The following TENM2 variants were observed in gnomAD, a reference collection of about 807,000 sequenced individuals.
TENM2 encodes the protein teneurin transmembrane protein 2.
A neutral mutation model predicts 245.2 loss-of-function variants in TENM2; 52 were observed. The observed-to-expected ratio is 0.21, with a 90% CI of 0.17 to 0.27. The LOEUF (loss-of-function observed/expected upper bound fraction) is 0.27, where lower values mean the gene tolerates loss of function less well. Ranked by LOEUF, TENM2 falls within the 10% of genes least tolerant of loss-of-function variation. The probability of loss-of-function intolerance (pLI) is 1.00; values close to 1 mark genes in which losing one functional copy is unlikely to be tolerated. For missense variants in TENM2, 3,046 were observed against 3,666.8 expected (o/e 0.83, Z 4.37); for synonymous variants, 1,363 against 1,438.9 (o/e 0.95, Z 1.19).
At chr5:167,987,995 T>C (rs772199796) in intron 4 of TENM2, among the ~76,000 whole-genome samples, 4 of 152,184 alleles carry the variant, frequency 2.6e-5, no homozygotes, top group African/African-American at 9.7e-5. Context: ...TTCTTTCAGC[T>C]GCAATCATCA....
At chr5:168,019,086 C>G (rs1383481589) in intron 5 of TENM2, among the ~76,000 whole-genome samples, 2 of 151,936 alleles carry the variant, frequency 1.3e-5, no homozygotes, top group African/African-American at 4.8e-5. Flanking sequence ...GGAGAAATAC[C>G]TTTCAGGAAT....
chr5:167,514,945 A>T (rs1562017919), intron 2 of TENM2, among the ~76,000 whole-genome samples: 1 of 152,136 alleles, frequency 6.6e-6, no homozygotes, highest in Admixed American at 6.5e-5. Context: ...CGAGAGGCGG[A>T]GGTTGCGGTG....
rs1013371848 is a variant in TENM2 at position 167,813,680 on chromosome 5, C to T, written c.503-62306C>T. Among the ~76,000 whole-genome samples, 4 of 152,236 alleles carry T rather than the reference C, an allele frequency of 2.6e-5. No homozygotes were observed. The East Asian group carries it at 5.8e-4, about 22-fold the overall frequency. On this transcript the variant is annotated intron_variant, in intron 2 of 28. Coordinates refer to ENST00000518659, the Ensembl canonical transcript of TENM2. Reference sequence around the variant, plus strand: ...GCCTGAGCAATCACAGTTCCAACCTCCCCCTCCCTCTCACTGCATCCCCTA... The same window carrying T: ...GCCTGAGCAATCACAGTTCCAACCTTCCCCTCCCTCTCACTGCATCCCCTA...
intron 2 of TENM2, among the ~76,000 whole-genome samples, chr5:167,630,306 T>C (rs1362740808): frequency 1.3e-5 from 2 of 152,088 alleles, no homozygotes; most frequent in African/African-American, 4.8e-5. Context: ...CACCCTACAG[T>C]GGATCTGGTA....
intron 2 of TENM2, among the ~76,000 whole-genome samples, chr5:167,433,659 C>T (rs557600616): frequency 2.0e-5 from 3 of 151,992 alleles, no homozygotes; most frequent in East Asian, 1.9e-4. Context: ...CTATTGGTAT[C>T]GTCCTATCAA....
chr5:167,305,056 A>G (rs1207189043), intron 1 of TENM2, among the ~76,000 whole-genome samples: 2 of 152,156 alleles, frequency 1.3e-5, no homozygotes, highest in Non-Finnish European at 2.9e-5. Flanking sequence ...TCCCTGCACT[A>G]TCCCTGACCA....
intron 2 of TENM2, among the ~76,000 whole-genome samples, chr5:167,784,662 T>C (rs1301664892): frequency 6.6e-6 from 1 of 152,204 alleles, no homozygotes; most frequent in Non-Finnish European, 1.5e-5. Context: ...TATAAAACCA[T>C]GTTTTCCTGT....
intron 2 of TENM2, among the ~76,000 whole-genome samples, chr5:167,459,381 C>G (rs1387852089): frequency 1.3e-5 from 2 of 152,130 alleles, no homozygotes; most frequent in African/African-American, 4.8e-5. Context: ...CAGTTAGTTT[C>G]TTGATTCATC....
chr5:168,012,941 C>G (rs1785364072), intron 5 of TENM2, among the ~76,000 whole-genome samples: 1 of 152,160 alleles, frequency 6.6e-6, no homozygotes, highest in Non-Finnish European at 1.5e-5. Context: ...CCATTCCCAG[C>G]ACTTTGGTTT....
the TENM2 span, among the ~76,000 whole-genome samples, chr5:167,254,724 G>A: frequency 9.7e-4 from 148 of 152,282 alleles, no homozygotes; most frequent in African/African-American, 3.5e-3. Flanking sequence ...TAAGGGATGA[G>A]TGTTGAATTT....
intron 2 of TENM2, among the ~76,000 whole-genome samples, chr5:167,429,567 T>C (rs909547857): frequency 4.0e-5 from 6 of 148,810 alleles, no homozygotes; most frequent in African/African-American, 9.9e-5. Flanking sequence ...GTGGAGGTCA[T>C]CAGGAAGGTC....
intron 2 of TENM2, among the ~76,000 whole-genome samples, chr5:167,523,638 G>A (rs1342129010): frequency 1.3e-5 from 2 of 152,032 alleles, no homozygotes; most frequent in Non-Finnish European, 2.9e-5. Flanking sequence ...TTGCTGTGAG[G>A]GCTGCAATGT....
intron 2 of TENM2, among the ~76,000 whole-genome samples, chr5:167,525,819 C>T (rs952141796): frequency 1.3e-5 from 2 of 152,090 alleles, no homozygotes; most frequent in African/African-American, 4.8e-5. Context: ...AATAGAGAAG[C>T]AAGTAGTGAA....
At chr5:167,239,156 G>T in the TENM2 span, among the ~76,000 whole-genome samples, 1 of 152,190 alleles carries the variant, frequency 6.6e-6, no homozygotes, top group Non-Finnish European at 1.5e-5. Context: ...AGAGTGCCTT[G>T]TCATGTTCAT....
Position 168,244,317 on chromosome 5 carries a change from G to A in TENM2, c.5521-103G>A, listed in dbSNP as rs973206034. The A allele has an allele frequency of 1.7e-5, 16 of 920,258 alleles. No individual in the cohort carries two copies. The allele number at this position is 920,258 out of a possible 1,614,324, so 57.0% of individuals were successfully genotyped here. A position where few individuals can be genotyped will look rare whatever the true frequency, so the allele number is the denominator to read the frequency against. ...AACTTTGGGGTTATTTCTTCCTCCA[G>A]TGAACACTTAAGCCCTGGCCATGCC... is the stretch of plus-strand genomic sequence containing the variant. On this transcript the variant is annotated intron_variant, in intron 25 of 28. Coordinates refer to ENST00000518659, the Ensembl canonical transcript of TENM2. The surrounding 1 kb of genome is among the most constrained non-coding windows in gnomAD (Gnocchi z 4.9).
chr5:167,438,271 C>A lies in TENM2; in HGVS notation c.502+62798C>A, dbSNP rs182055967. ...GCCTTTTTTTGCTTATGTTTTCTTCCTCTTTATGGAATGCCTATCGCCTCT... is the reference window on the plus strand; with the variant it reads ...GCCTTTTTTTGCTTATGTTTTCTTCATCTTTATGGAATGCCTATCGCCTCT... On this transcript the variant is annotated intron_variant, in intron 2 of 28. Coordinates refer to ENST00000518659, the Ensembl canonical transcript of TENM2. 1.7e-3 allele frequency among the ~76,000 whole-genome samples: 257 copies of A among 152,244 alleles called. 1 individual carries two copies. Among genetic ancestry groups the A allele is most frequent in the African/African-American group, 5.6e-3 (233 of 41,558 alleles).
intron 3 of TENM2, among the ~76,000 whole-genome samples, chr5:167,929,888 G>T (rs1778147961): frequency 6.6e-6 from 1 of 152,188 alleles, no homozygotes; most frequent in Non-Finnish European, 1.5e-5. Flanking sequence ...TTTCATGCAA[G>T]ATAAGAGTTG....
At chr5:167,532,826 G>GTGTGTA (rs1554170577) in intron 2 of TENM2, among the ~76,000 whole-genome samples, 31 of 144,546 alleles carry the variant, frequency 2.1e-4, no homozygotes, top group African/African-American at 7.2e-4. Context: ...GTGTGTGTGT[G>GTGTGTA]TATATATATA....
intron 2 of TENM2, among the ~76,000 whole-genome samples, chr5:167,862,239 GTA>G (rs1025599936): frequency 7.5e-5 from 10 of 133,534 alleles, no homozygotes; most frequent in Middle Eastern, 3.6e-3. Flanking sequence ...TCAATTTAGA[GTA>G]TGTGTGTGTG....
Sources: allele counts gnomAD v4.1 joint callset (sites outside exome capture counted in the v4.1 genomes callset), GRCh38; gene constraint gnomAD v4.1.1; non-coding constraint Gnocchi (gnomAD v3.1); transcripts MANE v1.5; gene names NCBI Gene and HGNC (gene_info 2026-07-23, HGNC 2026-07-21).